MEGF10: variants seen among roughly 807,000 people sequenced by gnomAD.
MEGF10 encodes multiple epidermal growth factor-like domains protein 10.
In MEGF10, 86 loss-of-function variants were observed where a neutral mutation model predicts 147.5. The ratio of observed to expected loss-of-function variants is 0.58; its 90% CI spans 0.49 to 0.70. MEGF10 has a LOEUF of 0.70. MEGF10 is among the 30% of genes least tolerant of loss of function. The probability of loss-of-function intolerance (pLI) is 0.00; values close to 1 mark genes in which losing one functional copy is unlikely to be tolerated. For synonymous variants in MEGF10, 478 were observed against 525.5 expected, an observed-to-expected ratio of 0.91 and a Z score of 1.24; for missense variants, 1,329 against 1,487.3, an observed-to-expected ratio of 0.89 and a Z score of 1.75.
In MEGF10 at chr5:127,420,193, G is replaced by C. The variant is rs752944860; in HGVS notation, c.1576G>C (p.Glu526Gln). The part of the protein sequence containing the change: ...CAPGWRGEKC[E>Q]LPCQDGTYGL... ...ACCTGGATGGCGCGGGGAGAAATGCGAACTTCCCTGCCAGGTATGCACAAA... is the reference window on the plus strand; with the variant it reads ...ACCTGGATGGCGCGGGGAGAAATGCCAACTTCCCTGCCAGGTATGCACAAA... The change falls in exon 12 of 25, where the codon GAA becomes CAA. Residue 526 changes from glutamate (E) to glutamine (Q), a missense_variant. Glu to Gln is a conservative substitution (Grantham distance 29). Coordinates refer to ENST00000503335, the MANE Select transcript of MEGF10 (RefSeq NM_001256545.2). The C allele has an allele frequency of 6.2e-7, 1 of 1,614,088 alleles. No individual in the cohort carries two copies.
At chr5:127,323,624 C>G (rs1360026583) in intron 1 of MEGF10, among the ~76,000 whole-genome samples, 1 of 152,202 alleles carries the variant, frequency 6.6e-6, no homozygotes, top group Admixed American at 6.5e-5. Flanking sequence ...CATACTTAAA[C>G]ATAGGCATAT....
In MEGF10 at chr5:127,455,536, C is replaced by T. The variant is rs755896006; in HGVS notation, c.3161C>T (p.Pro1054Leu). 6.8e-6 allele frequency: 11 copies of T among 1,613,872 alleles called. No individual in the cohort carries two copies. The highest frequency in any genetic ancestry group is 5.0e-5 in the Admixed American group (3 of 59,984). ...SECGYVEMKS[P>L]ARRDSPYAEI... ...TGTGGTTATGTGGAGATGAAATCGC[C>T]GGCACGAAGAGATTCCCCATATGCA... Residue 1054 changes from proline to leucine, a missense_variant, in exon 24 of 25, where the codon CCG becomes CTG. Transcript: ENST00000503335.
intron 20 of MEGF10, among the ~76,000 whole-genome samples, chr5:127,446,587 G>T (rs1205333809): frequency 1.3e-5 from 2 of 152,212 alleles, no homozygotes; most frequent in African/African-American, 4.8e-5. Flanking sequence ...GGGGGAAAGA[G>T]ATTTTATTCC....
At chr5:127,247,460 A>AG in the MEGF10 span, among the ~76,000 whole-genome samples, 6 of 140,434 alleles carry the variant, frequency 4.3e-5, 3 homozygotes, top group African/African-American at 1.6e-4. Flanking sequence ...AAGAAGAAGA[A>AG]GAAGAAGAAG....
rs1764884313 is a variant in MEGF10, at chr5:127,419,097, TTTTGCTAC to T, written c.1306-20_1306-13del. 6.3e-7 allele frequency: 1 copy of T among 1,586,312 alleles called. No individual in the cohort carries two copies. The highest frequency in any genetic ancestry group is 1.9e-5 in the Admixed American group (1 of 52,152). ...ATTTCAGTTGGCAAAATTGAATGCA[TTTTGCTAC>T]TTGTGCCTGTCTAGGGAATTGACTG... is the stretch of plus-strand genomic sequence containing the variant. On this transcript the variant is annotated splice_polypyrimidine_tract_variant and intron_variant, in intron 10 of 24. Coordinates refer to ENST00000503335, the MANE Select transcript of MEGF10 (RefSeq NM_001256545.2).
At chr5:127,252,008 C>A in the MEGF10 span, among the ~76,000 whole-genome samples, 1 of 151,406 alleles carries the variant, frequency 6.6e-6, no homozygotes, top group African/African-American at 2.4e-5. Context: ...TTCAATAAAC[C>A]CTACAAAATA....
intron 5 of MEGF10, among the ~76,000 whole-genome samples, chr5:127,374,929 G>A (rs1475523820): frequency 1.3e-5 from 2 of 152,116 alleles, no homozygotes; most frequent in Admixed American, 1.3e-4. Context: ...TTATTTACCT[G>A]GTGGAGTGGC....
chr5:127,404,690 C>T (rs1035277159), intron 8 of MEGF10, among the ~76,000 whole-genome samples: 2 of 151,634 alleles, frequency 1.3e-5, no homozygotes, highest in Non-Finnish European at 2.9e-5. Context: ...TATTTGGAAT[C>T]TAGGTTTAGG....
chr5:127,335,205 G>C (rs1309918516), intron 2 of MEGF10, among the ~76,000 whole-genome samples: 3 of 152,116 alleles, frequency 2.0e-5, no homozygotes, highest in Non-Finnish European at 4.4e-5. Context: ...TGTTTTAGAA[G>C]CTTTAAATGT....
At chr5:127,293,890 G>A (rs1580670679) in intron 1 of MEGF10, among the ~76,000 whole-genome samples, 1 of 152,272 alleles carries the variant, frequency 6.6e-6, no homozygotes, top group African/African-American at 2.4e-5. Flanking sequence ...CCTCCTTACC[G>A]CTATACACAA....
chr5:127,383,737 T>C (rs1181940247), intron 5 of MEGF10, among the ~76,000 whole-genome samples: 1 of 152,152 alleles, frequency 6.6e-6, no homozygotes, highest in Non-Finnish European at 1.5e-5. Flanking sequence ...GTTTTATTTC[T>C]TGAATTCAGT....
chr5:127,253,151 G>A, the MEGF10 span, among the ~76,000 whole-genome samples: 1 of 151,942 alleles, frequency 6.6e-6, no homozygotes, highest in African/African-American at 2.4e-5. Context: ...GGTTAAAAGA[G>A]ACAAAGCATG....
At chr5:127,253,327 C>T in the MEGF10 span, among the ~76,000 whole-genome samples, 1 of 151,828 alleles carries the variant, frequency 6.6e-6, no homozygotes, top group Non-Finnish European at 1.5e-5. Context: ...AATAGATAAT[C>T]AAGCTTCTAT....
chr5:127,317,664 A>C (rs926413651), intron 1 of MEGF10, among the ~76,000 whole-genome samples: 1 of 151,980 alleles, frequency 6.6e-6, no homozygotes, highest in African/African-American at 2.4e-5. Context: ...AAAACCAAAC[A>C]CCCCGTGTTC....
chr5:127,239,778 C>T, the MEGF10 span, among the ~76,000 whole-genome samples: 1 of 151,898 alleles, frequency 6.6e-6, no homozygotes, highest in African/African-American at 2.4e-5. Flanking sequence ...GATTTTTGCC[C>T]AATAAAGAGT....
chr5:127,277,730 T>G, the MEGF10 span, among the ~76,000 whole-genome samples: 1 of 152,066 alleles, frequency 6.6e-6, no homozygotes, highest in South Asian at 2.1e-4. Flanking sequence ...AGTAGGTTGG[T>G]GAATGTATTT....
chr5:127,409,436 C>T lies in MEGF10; in HGVS notation c.918-953C>T, dbSNP rs575203572. Among the ~76,000 whole-genome samples the T allele has an allele frequency of 3.3e-5, 5 of 152,362 alleles. No homozygotes were observed. In the South Asian group the frequency reaches 6.2e-4, roughly 19 times the overall value. On this transcript the variant is annotated intron_variant, in intron 8 of 24. Coordinates refer to ENST00000503335, the MANE Select transcript of MEGF10 (RefSeq NM_001256545.2). ...TTGGCAGAAAGCTCCCCTTCTGCTG[C>T]AGAGAGCCAGTCACCTGGCCTAGTC...
chr5:127,322,351 T>C (rs1760822263), intron 1 of MEGF10, among the ~76,000 whole-genome samples: 1 of 152,170 alleles, frequency 6.6e-6, no homozygotes, highest in African/African-American at 2.4e-5. Flanking sequence ...GCCTTTCCTC[T>C]GAGCACTCAC....
chr5:127,363,859 G>A (rs1251754922), intron 4 of MEGF10, among the ~76,000 whole-genome samples: 1 of 152,082 alleles, frequency 6.6e-6, no homozygotes, highest in Non-Finnish European at 1.5e-5. Flanking sequence ...GCCATTTATG[G>A]ACATCACACA....
Sources: allele counts gnomAD v4.1 joint callset (sites outside exome capture counted in the v4.1 genomes callset), GRCh38; gene constraint gnomAD v4.1.1; transcripts MANE v1.5; gene names NCBI Gene and HGNC (gene_info 2026-07-23, HGNC 2026-07-21).